IL15: variants seen among roughly 807,000 people sequenced by gnomAD.
IL15 encodes interleukin-15.
Under a neutral mutation model 19.6 loss-of-function variants are expected in IL15, and 11 were observed. The observed-to-expected ratio is 0.56, with a 90% CI of 0.35 to 0.93. The LOEUF is 0.93. IL15 is among the 40% of genes least tolerant of loss of function. The probability of loss-of-function intolerance (pLI) is 0.01; values close to 1 mark genes in which losing one functional copy is unlikely to be tolerated. For synonymous variants in IL15, 58 were observed against 59.6 expected, an observed-to-expected ratio of 0.97 and a Z score of 0.12; for missense variants, 197 against 186.5, an observed-to-expected ratio of 1.06 and a Z score of -0.33.
At chr4:141,712,405 T>C (rs1489221286) in intron 2 of IL15, among the ~76,000 whole-genome samples, 1 of 152,014 alleles carries the variant, frequency 6.6e-6, no homozygotes, top group East Asian at 1.9e-4. Context: ...TTCAAAAACA[T>C]TTATACCAAA....
chr4:141,699,922 T>G (rs1004790497), intron 2 of IL15, among the ~76,000 whole-genome samples: 20 of 152,120 alleles, frequency 1.3e-4, no homozygotes, highest in Admixed American at 7.2e-4. Context: ...CTATGAGATT[T>G]ATTTATTTAT....
intron 2 of IL15, among the ~76,000 whole-genome samples, chr4:141,677,076 G>C (rs1200098782): frequency 6.6e-6 from 1 of 152,198 alleles, no homozygotes; most frequent in East Asian, 1.9e-4. Flanking sequence ...GTGGAAGAAA[G>C]ATGCTACCAC....
chr4:141,668,634 C>G (rs1414304798), intron 2 of IL15, among the ~76,000 whole-genome samples: 1 of 152,314 alleles, frequency 6.6e-6, no homozygotes, highest in South Asian at 2.1e-4. Context: ...GAGAATTTAG[C>G]TCACATAGGT....
intron 2 of IL15, among the ~76,000 whole-genome samples, chr4:141,666,071 C>CTTTT (rs1246936760): frequency 1.9e-4 from 16 of 86,078 alleles, no homozygotes; most frequent in African/African-American, 7.6e-4. Context: ...CAGACTCATC[C>CTTTT]TTTTTATTTA....
chr4:141,690,608 A>G (rs568786360), intron 2 of IL15, among the ~76,000 whole-genome samples: 1 of 152,274 alleles, frequency 6.6e-6, no homozygotes, highest in South Asian at 2.1e-4. Context: ...GCGGACTACT[A>G]CAATAATAAT....
chr4:141,674,634 A>C (rs1267885950), intron 2 of IL15, among the ~76,000 whole-genome samples: 2 of 152,156 alleles, frequency 1.3e-5, no homozygotes, highest in Non-Finnish European at 2.9e-5. Flanking sequence ...TTCATAAAAT[A>C]AAATGTTTAA....
At chr4:141,732,287 A>G (rs529864393) in intron 7 of IL15, among the ~76,000 whole-genome samples, 5 of 152,340 alleles carry the variant, frequency 3.3e-5, no homozygotes, top group Admixed American at 6.5e-5. Flanking sequence ...GCAAAGGCAG[A>G]GAGGCATCTA....
intron 1 of IL15, among the ~76,000 whole-genome samples, chr4:141,641,584 T>G (rs951435760): frequency 2.0e-5 from 3 of 150,006 alleles, no homozygotes; most frequent in Admixed American, 6.8e-5. Context: ...AGCAAACTAT[T>G]GCAAGGACAA....
chr4:141,722,999 C>T (rs186029058), intron 5 of IL15, among the ~76,000 whole-genome samples: 12 of 152,006 alleles, frequency 7.9e-5, no homozygotes, highest in Admixed American at 4.6e-4. Context: ...CTGATCTTGA[C>T]GACAGTAACA....
At chr4:141,690,688 C>T (rs1728880400) in intron 2 of IL15, among the ~76,000 whole-genome samples, 1 of 152,200 alleles carries the variant, frequency 6.6e-6, no homozygotes, top group African/African-American at 2.4e-5. Context: ...TACTCTACAT[C>T]AAATACAAAT....
chr4:141,732,177 G>A (rs1034817465), intron 7 of IL15, among the ~76,000 whole-genome samples: 2 of 152,168 alleles, frequency 1.3e-5, no homozygotes, highest in Non-Finnish European at 2.9e-5. Context: ...CCAGCCCTAG[G>A]AGCCCAGGGG....
At chr4:141,713,520 T>C (rs998975581) in intron 2 of IL15, among the ~76,000 whole-genome samples, 2 of 152,224 alleles carry the variant, frequency 1.3e-5, no homozygotes, top group Non-Finnish European at 2.9e-5. Flanking sequence ...AAACATTATC[T>C]GGCCCTCTAC....
chr4:141,657,607 AT>A (rs1727652655), intron 2 of IL15, among the ~76,000 whole-genome samples: 1 of 151,866 alleles, frequency 6.6e-6, no homozygotes, highest in Non-Finnish European at 1.5e-5. Flanking sequence ...TACTTTTTAA[AT>A]TTTTTTATTA....
At chr4:141,695,233 C>T (rs3113916) in intron 2 of IL15, among the ~76,000 whole-genome samples, 1 of 144,942 alleles carries the variant, frequency 6.9e-6, no homozygotes, top group East Asian at 2.1e-4. Context: ...TTCTAAGCCT[C>T]TTCTCCCTAG....
intron 2 of IL15, among the ~76,000 whole-genome samples, chr4:141,706,695 G>C (rs372121532): frequency 4.0e-5 from 6 of 150,124 alleles, no homozygotes; most frequent in African/African-American, 1.5e-4. Context: ...TGAATATAGT[G>C]TTCTTGGCTG....
At chr4:141,683,074 T>C (rs937337710) in intron 2 of IL15, among the ~76,000 whole-genome samples, 2 of 150,630 alleles carry the variant, frequency 1.3e-5, no homozygotes, top group African/African-American at 4.9e-5. Context: ...ATCAAGACCA[T>C]CCTAGCCAAC....
At chr4:141,640,817 G>T (rs1727017545) in intron 1 of IL15, among the ~76,000 whole-genome samples, 1 of 152,152 alleles carries the variant, frequency 6.6e-6, no homozygotes, top group Admixed American at 6.5e-5. Flanking sequence ...TTCTCTAAAT[G>T]CTAATAGTTC....
chr4:141,699,676 A>G (rs139557354), intron 2 of IL15, among the ~76,000 whole-genome samples: 326 of 152,230 alleles, frequency 2.1e-3, no homozygotes, highest in African/African-American at 7.5e-3. Context: ...CTTGCATGGA[A>G]TATCTTTTTC....
At chr4:141,722,665 T>A (rs1730129190) in intron 5 of IL15, among the ~76,000 whole-genome samples, 1 of 152,106 alleles carries the variant, frequency 6.6e-6, no homozygotes, top group South Asian at 2.1e-4. Context: ...AGTTACAACT[T>A]AAATGAGAAA....
Sources: gnomAD v4.1 joint callset for allele counts (sites outside exome capture counted in the v4.1 genomes callset) on GRCh38, gnomAD v4.1.1 for gene constraint, MANE v1.5 for transcripts, NCBI Gene and HGNC (gene_info 2026-07-23, HGNC 2026-07-21) for gene names.